PTPRQ: variants seen among roughly 807,000 people sequenced by gnomAD.
PTPRQ encodes phosphatidylinositol phosphatase PTPRQ.
A neutral mutation model predicts 246.0 loss-of-function variants in PTPRQ; 199 were observed. That is an observed-to-expected ratio of 0.81 (90% confidence interval 0.72 to 0.91). The LOEUF is 0.91. Ranked by LOEUF, PTPRQ falls within the 40% of genes least tolerant of loss-of-function variation. The pLI is 0.00. For missense variants in PTPRQ, 2,624 were observed against 2,528.4 expected, an observed-to-expected ratio of 1.04 and a Z score of -0.81; for synonymous variants, 869 against 853.2, an observed-to-expected ratio of 1.02 and a Z score of -0.32.
intron 39 of PTPRQ, among the ~76,000 whole-genome samples, chr12:80,666,192 A>G (rs932234066): frequency 1.3e-5 from 2 of 152,028 alleles, no homozygotes; most frequent in African/African-American, 4.8e-5. Context: ...ATGAATGAAT[A>G]AAGAAAATAT....
intron 8 of PTPRQ, among the ~76,000 whole-genome samples, chr12:80,478,215 C>T (rs956707552): frequency 2.7e-5 from 4 of 149,498 alleles, no homozygotes; most frequent in Non-Finnish European, 5.9e-5. Flanking sequence ...CAAGTGGGTC[C>T]CTGACCCCTG....
In PTPRQ at chr12:80,506,678, T is replaced by C; in HGVS notation, c.2557+8T>C. 6.5e-7 allele frequency: 1 copy of C among 1,534,962 alleles called. No homozygotes were observed. Among genetic ancestry groups the C allele is most frequent in the Non-Finnish European group, 8.8e-7 (1 of 1,137,718 alleles). On this transcript the variant is annotated splice_region_variant and intron_variant, in intron 16 of 44. Transcript: ENST00000644991. ...TACTGACGGAGGAAGATGGTAAATA[T>C]AATAGTGGATATTGATATACTTTGA...
intron 42 of PTPRQ, 81 bp from the exon 43 acceptor site, chr12:80,673,088 A>G (rs1901024986): frequency 9.3e-6 from 14 of 1,506,092 alleles, no homozygotes; most frequent in East Asian, 2.5e-5. Flanking sequence ...ATTTATTGCT[A>G]TCATAGCTCA....
At chr12:80,460,607 A>G (rs1325577653) in intron 5 of PTPRQ, 46 bp from the exon 6 acceptor site, 3 of 398,288 alleles carry the variant, frequency 7.5e-6, no homozygotes, top group Non-Finnish European at 1.3e-5. Flanking sequence ...TATGTTCACC[A>G]AGAGATACAA....
intron 10 of PTPRQ, among the ~76,000 whole-genome samples, chr12:80,494,236 T>G (rs575380730): frequency 1.3e-5 from 2 of 152,160 alleles, no homozygotes; most frequent in African/African-American, 2.4e-5. Flanking sequence ...TCCCATGATT[T>G]CTGATGCAGA....
Position 80,460,902 on chromosome 12 carries a change from G to A in PTPRQ, c.910G>A (p.Val304Met), listed in dbSNP as rs767910054. ...TACGATTGTCAGAACACCAGAATCA[G>A]GTATGGTTCACTTTTTGTAGATAAA... ...DSTIVRTPES[V>M]PEGPPQNCVT... Residue 304 changes from valine (V) to methionine (M), a missense_variant and splice_region_variant, in exon 6 of 45, where the codon GTG becomes ATG. Physicochemically the swap from Val to Met is conservative, Grantham distance 21. Transcript: ENST00000644991. 3 of 400,380 alleles carry A rather than the reference G, an allele frequency of 7.5e-6. No homozygotes were observed. Among genetic ancestry groups the A allele is most frequent in the Non-Finnish European group, 8.8e-6 (2 of 226,178 alleles). The allele number at this position is 400,380 out of a possible 1,614,324, so 24.8% of individuals were successfully genotyped here.
chr12:80,654,920 A>G (rs967412378), intron 38 of PTPRQ, among the ~76,000 whole-genome samples: 7 of 151,940 alleles, frequency 4.6e-5, no homozygotes, highest in African/African-American at 1.7e-4. Context: ...AGTAATTCAA[A>G]TATGTCTAAC....
At chr12:80,562,704 C>A (rs1206677465) in intron 25 of PTPRQ, among the ~76,000 whole-genome samples, 1 of 151,984 alleles carries the variant, frequency 6.6e-6, no homozygotes, top group Non-Finnish European at 1.5e-5. Context: ...TAAATTCCCT[C>A]CACAAAAGAA....
chr12:80,475,773 T>TG (rs1319352182), intron 8 of PTPRQ, among the ~76,000 whole-genome samples: 1 of 152,042 alleles, frequency 6.6e-6, no homozygotes, highest in Non-Finnish European at 1.5e-5. Context: ...TTAAGTATCA[T>TG]GGGGCAACAC....
chr12:80,527,468 C>G (rs1895721041), intron 17 of PTPRQ, among the ~76,000 whole-genome samples: 1 of 151,970 alleles, frequency 6.6e-6, no homozygotes, highest in Non-Finnish European at 1.5e-5. Flanking sequence ...GATAAGTTCT[C>G]AAGCAGACAG....
chr12:80,673,204 T>C lies in PTPRQ; in HGVS notation c.6638T>C (p.Leu2213Pro), dbSNP rs999258863. The change falls in exon 43 of 45, where the codon CTG becomes CCG. Residue 2213 changes from leucine to proline, a missense_variant. Leu to Pro is a moderately conservative substitution (Grantham distance 98). Transcript: ENST00000644991. ...GGAAGAACTGGAGTTTTTATTGCTCTGGACCATTTAACACAACATATAAAT... is the reference window on the plus strand; with the variant it reads ...GGAAGAACTGGAGTTTTTATTGCTCCGGACCATTTAACACAACATATAAAT... ...GVGRTGVFIA[L>P]DHLTQHINDH... 83 of 1,550,920 alleles carry C rather than the reference T, an allele frequency of 5.4e-5. No individual in the cohort carries two copies. The highest frequency in any genetic ancestry group is 6.4e-5 in the Non-Finnish European group (73 of 1,146,494).
rs146200291 is a variant in PTPRQ at position 80,568,551 on chromosome 12, C to A, written c.4285+18817C>A. 1.2e-4 allele frequency among the ~76,000 whole-genome samples: 18 copies of A among 152,304 alleles called. No individual in the cohort carries two copies. In the East Asian group the frequency reaches 3.3e-3, roughly 28 times the overall value. On this transcript the variant is annotated intron_variant, in intron 25 of 44. Coordinates refer to ENST00000644991, the MANE Select transcript of PTPRQ (RefSeq NM_001145026.2). ...TGTCTTCAGTAAGTTGTCTTGGCTG[C>A]ATATGTAAAGTTTCTTGAACAGCAG...
chr12:80,555,433 G>C (rs1896616247), intron 25 of PTPRQ, among the ~76,000 whole-genome samples: 1 of 152,104 alleles, frequency 6.6e-6, no homozygotes, highest in Non-Finnish European at 1.5e-5. Context: ...TTAATAGATT[G>C]AATGTGGGCA....
intron 8 of PTPRQ, among the ~76,000 whole-genome samples, chr12:80,482,303 G>A (rs963866675): frequency 1.3e-5 from 2 of 151,570 alleles, no homozygotes; most frequent in African/African-American, 4.9e-5. Context: ...AAATGGTGCT[G>A]GGAAAACTGG....
intron 6 of PTPRQ, among the ~76,000 whole-genome samples, chr12:80,466,672 G>A (rs1383727731): frequency 6.6e-6 from 1 of 152,160 alleles, no homozygotes; most frequent in Non-Finnish European, 1.5e-5. Flanking sequence ...TAGATCAGTG[G>A]AACAGAACAG....
At chr12:80,474,040 G>A (rs61530056) in intron 8 of PTPRQ, among the ~76,000 whole-genome samples, 3,724 of 152,286 alleles carry the variant, frequency 0.024, 40 homozygotes, top group Middle Eastern at 0.065. Flanking sequence ...TTCAGCCACA[G>A]GAGCTGCCTC....
At chr12:80,632,152 CATA>C in intron 33 of PTPRQ, 37 bp from the exon 34 acceptor site, 3 of 1,527,694 alleles carry the variant, frequency 2.0e-6, no homozygotes, top group Non-Finnish European at 2.6e-6. Flanking sequence ...AATAAGATTC[CATA>C]ATAATATTTA....
chr12:80,459,729 G>A (rs1291631261), intron 5 of PTPRQ, among the ~76,000 whole-genome samples: 4 of 152,112 alleles, frequency 2.6e-5, no homozygotes, highest in Non-Finnish European at 5.9e-5. Context: ...AAATCATTTA[G>A]GGAATTCTGA....
intron 9 of PTPRQ, among the ~76,000 whole-genome samples, chr12:80,490,325 C>A (rs142964790): frequency 6.6e-6 from 1 of 151,780 alleles, no homozygotes; most frequent in Non-Finnish European, 1.5e-5. Flanking sequence ...CTCCAGTGAC[C>A]CCAAACTGAT....
Sources: gnomAD v4.1 joint callset for allele counts (sites outside exome capture counted in the v4.1 genomes callset) on GRCh38, gnomAD v4.1.1 for gene constraint, MANE v1.5 for transcripts, NCBI Gene and HGNC (gene_info 2026-07-23, HGNC 2026-07-21) for gene names.